RIMS2: variants seen among roughly 807,000 people sequenced by gnomAD.
The protein encoded by RIMS2 is regulating synaptic membrane exocytosis 2.
Under a neutral mutation model 174.4 loss-of-function variants are expected in RIMS2, and 59 were observed. The observed-to-expected ratio is 0.34, with a 90% CI of 0.27 to 0.42. RIMS2 has a LOEUF of 0.42. Among genes scored for constraint, RIMS2 ranks in the 10% least tolerant of loss-of-function variants. The pLI is 1.00. For missense variants in RIMS2, 1,620 were observed against 1,666.3 expected (o/e 0.97, Z 0.48); for synonymous variants, 606 against 572.5 (o/e 1.06, Z -0.84).
intron 2 of RIMS2, among the ~76,000 whole-genome samples, chr8:103,753,000 C>T (rs1442667453): frequency 2.0e-5 from 3 of 152,040 alleles, no homozygotes; most frequent in African/African-American, 7.2e-5. Context: ...AGAGGGCATC[C>T]CTGTCTTGTG....
chr8:103,687,240 C>CT (rs2096952041), intron 1 of RIMS2, among the ~76,000 whole-genome samples: 2 of 151,612 alleles, frequency 1.3e-5, no homozygotes, highest in African/African-American at 4.8e-5. Context: ...TATAGTATTC[C>CT]TTTGTAGTCT....
chr8:104,176,922 G>A (rs1334428819), intron 19 of RIMS2, among the ~76,000 whole-genome samples: 2 of 152,044 alleles, frequency 1.3e-5, no homozygotes, highest in East Asian at 1.9e-4. Flanking sequence ...ACTAAAAGCA[G>A]TATGGTTATT....
At chr8:103,639,298 C>A (rs974534062) in intron 1 of RIMS2, among the ~76,000 whole-genome samples, 2 of 151,640 alleles carry the variant, frequency 1.3e-5, no homozygotes, top group African/African-American at 4.8e-5. Flanking sequence ...CTTTGTATTC[C>A]TTCCAGGGAT....
chr8:103,969,270 C>T (rs894261767), intron 15 of RIMS2, among the ~76,000 whole-genome samples: 3 of 151,968 alleles, frequency 2.0e-5, no homozygotes, highest in East Asian at 1.9e-4. Flanking sequence ...ATTATTCTTT[C>T]AAATCTTTCT....
chr8:103,812,352 T>G (rs113957348), intron 3 of RIMS2, among the ~76,000 whole-genome samples: 17,047 of 148,454 alleles, frequency 0.11, 1,441 homozygotes, highest in African/African-American at 0.22. Flanking sequence ...TTTTTTTTTT[T>G]TTGTTGTTGT....
intron 1 of RIMS2, chr8:103,652,646 A>G (rs983351654): frequency 8.9e-6 from 12 of 1,350,336 alleles, no homozygotes; most frequent in Non-Finnish European, 8.8e-6. Flanking sequence ...TAGTGGAATC[A>G]CTGAACTGGT....
intron 19 of RIMS2, among the ~76,000 whole-genome samples, chr8:104,020,270 C>T (rs947374605): frequency 6.6e-6 from 1 of 151,628 alleles, no homozygotes; most frequent in Non-Finnish European, 1.5e-5. Flanking sequence ...TCACTATTGT[C>T]TATTTTCAAT....
intron 19 of RIMS2, among the ~76,000 whole-genome samples, chr8:104,039,039 C>G (rs1055209629): frequency 4.6e-5 from 7 of 151,056 alleles, no homozygotes; most frequent in African/African-American, 1.7e-4. Flanking sequence ...TTTTGTACTT[C>G]CTGAAAAAAA....
At chr8:103,730,698 TTTC>T (rs1196943457) in intron 2 of RIMS2, among the ~76,000 whole-genome samples, 1 of 152,230 alleles carries the variant, frequency 6.6e-6, no homozygotes, top group Non-Finnish European at 1.5e-5. Context: ...CTTCAGATAA[TTTC>T]TTATTTCTCA....
chr8:104,040,625 A>G (rs1347583114), intron 19 of RIMS2, among the ~76,000 whole-genome samples: 1 of 151,792 alleles, frequency 6.6e-6, no homozygotes, highest in African/African-American at 2.4e-5. Context: ...AAAAGGGAAT[A>G]TGATCAAAGA....
chr8:103,555,759 T>A (rs769475901), intron 1 of RIMS2, among the ~76,000 whole-genome samples: 4 of 147,570 alleles, frequency 2.7e-5, no homozygotes, highest in Admixed American at 6.9e-5. Context: ...TGTGCCCCTG[T>A]CCTGCAGCCT....
chr8:104,137,852 G>C (rs147143877), intron 19 of RIMS2, among the ~76,000 whole-genome samples: 99 of 152,144 alleles, frequency 6.5e-4, no homozygotes, highest in African/African-American at 2.1e-3. Flanking sequence ...CAGTCACCCT[G>C]TTGTGCTTTC....
At chr8:104,168,915 T>G (rs533811315) in intron 19 of RIMS2, among the ~76,000 whole-genome samples, 142 of 152,274 alleles carry the variant, frequency 9.3e-4, no homozygotes, top group African/African-American at 3.2e-3. Context: ...CGTATAATTT[T>G]TGTTTTTAAT....
intron 2 of RIMS2, among the ~76,000 whole-genome samples, chr8:103,702,052 C>T (rs2137515431): frequency 6.6e-6 from 1 of 152,148 alleles, no homozygotes; most frequent in South Asian, 2.1e-4. Flanking sequence ...ACATTCCTAC[C>T]AACAGTATAC....
chr8:104,164,205 A>G (rs900744992), intron 19 of RIMS2, among the ~76,000 whole-genome samples: 3 of 131,184 alleles, frequency 2.3e-5, no homozygotes, highest in African/African-American at 8.7e-5. Flanking sequence ...GTGTGAAAGG[A>G]AAGATAAATG....
chr8:103,976,553 T>TCTTTTTC (rs1388479578), intron 16 of RIMS2: 1 of 144,176 alleles, frequency 6.9e-6, no homozygotes, highest in Non-Finnish European at 1.5e-5. Flanking sequence ...TTTTTCTTTT[T>TCTTTTTC]TTTTTTTTTT....
chr8:103,591,497 A>G (rs1588460457), intron 1 of RIMS2, among the ~76,000 whole-genome samples: 1 of 151,202 alleles, frequency 6.6e-6, no homozygotes, highest in African/African-American at 2.4e-5. Context: ...ACCTCTAAAT[A>G]TTACAGATAT....
intron 3 of RIMS2, among the ~76,000 whole-genome samples, chr8:103,853,073 G>T (rs544206192): frequency 8.6e-5 from 13 of 151,512 alleles, no homozygotes; most frequent in East Asian, 2.0e-4. Flanking sequence ...AAAATCTGGG[G>T]TTTTTTTTGT....
chr8:104,057,803 G>T (rs1008916697), intron 19 of RIMS2, among the ~76,000 whole-genome samples: 2 of 142,552 alleles, frequency 1.4e-5, no homozygotes, highest in Non-Finnish European at 3.0e-5. Flanking sequence ...CCACCTATGA[G>T]TGAGAACATA....
Sources: allele counts gnomAD v4.1 joint callset (sites outside exome capture counted in the v4.1 genomes callset), GRCh38; gene constraint gnomAD v4.1.1; transcripts MANE v1.5; gene names NCBI Gene and HGNC (gene_info 2026-07-23, HGNC 2026-07-21).